TXNDC5: variants seen among roughly 807,000 people sequenced by gnomAD.
TXNDC5 encodes the protein thioredoxin domain containing 5, also known as thioredoxin domain-containing protein 5.
In TXNDC5, 44 loss-of-function variants were observed where a neutral mutation model predicts 52.6. The ratio of observed to expected loss-of-function variants is 0.84; its 90% CI spans 0.66 to 1.08. TXNDC5 has a LOEUF of 1.08. TXNDC5 is among the 50% of genes least tolerant of loss of function. TXNDC5 has a pLI of 0.00. For synonymous variants in TXNDC5, 241 were observed against 234.4 expected, an observed-to-expected ratio of 1.03 and a Z score of -0.26; for missense variants, 600 against 565.5, an observed-to-expected ratio of 1.06 and a Z score of -0.62.
intron 8 of TXNDC5, among the ~76,000 whole-genome samples, chr6:7,884,775 CT>C (rs1759902106): frequency 6.6e-6 from 1 of 152,222 alleles, no homozygotes; most frequent in African/African-American, 2.4e-5. Context: ...CCATGGTGAA[CT>C]GTGCTAACTG....
intron 1 of TXNDC5, among the ~76,000 whole-genome samples, chr6:7,907,153 CT>C (rs1330695503): frequency 5.9e-4 from 86 of 145,248 alleles, no homozygotes; most frequent in Middle Eastern, 3.5e-3. Context: ...TTTGCTACTG[CT>C]TTTTTTTTCC....
Position 7,910,539 on chromosome 6 carries a change from G to T in TXNDC5, c.238C>A (p.His80Asn). ...CAGGGCGCGAAGAACATGACGAAGT[G>T]CGCGGCGCTCTGGATCCCGTGCGTG... ...MFTHGIQSAA[H>N]FVMFFAPWCG... Residue 80 changes from histidine to asparagine, a missense_variant, in exon 1 of 10, where the codon CAC becomes AAC. By Grantham distance (68) the His-to-Asn change is moderately conservative (BLOSUM62 1). Transcript: ENST00000379757. 1 of 1,458,518 alleles carries T rather than the reference G, an allele frequency of 6.9e-7. No homozygotes were observed. Among genetic ancestry groups the T allele is most frequent in the Non-Finnish European group, 9.1e-7 (1 of 1,095,820 alleles). 90.3% of individuals were successfully genotyped at this position (1,458,518 alleles called of 1,614,324 possible). A position where few individuals can be genotyped will look rare whatever the true frequency, so the allele number is the denominator to read the frequency against.
chr6:7,883,015 G>A lies in TXNDC5; in HGVS notation c.*129C>T. 1 of 1,248,706 alleles carries A rather than the reference G, an allele frequency of 8.0e-7. No homozygotes were observed. Among genetic ancestry groups the A allele is most frequent in the Non-Finnish European group, 1.1e-6 (1 of 897,352 alleles). The allele number at this position is 1,248,706 out of a possible 1,614,324, so 77.4% of individuals were successfully genotyped here. On this transcript the variant is annotated 3_prime_UTR_variant, in exon 10 of 10. Coordinates refer to ENST00000379757, the MANE Select transcript of TXNDC5 (RefSeq NM_030810.5). ...GCTTGGAAAACACACACACAAAGAAGATACCTCACGCTTAGTATGTTCTGC... is the reference window on the plus strand; with the variant it reads ...GCTTGGAAAACACACACACAAAGAAAATACCTCACGCTTAGTATGTTCTGC...
chr6:7,902,025 A>G (rs1005055370), intron 2 of TXNDC5, among the ~76,000 whole-genome samples: 8 of 152,178 alleles, frequency 5.3e-5, no homozygotes, highest in African/African-American at 1.9e-4. Flanking sequence ...TTGGACACAG[A>G]GAGACACACA....
rs1581312042 is a variant in TXNDC5 at position 7,889,364 on chromosome 6, T to C, written c.819+131A>G. On this transcript the variant is annotated intron_variant, in intron 6 of 9. Coordinates refer to ENST00000379757, the MANE Select transcript of TXNDC5 (RefSeq NM_030810.5). ...TAAGAGAAAGACGTTTGTTTCATTA[T>C]ACACATTTCTCCAAACCAGTGCCCT... 4.2e-6 allele frequency: 3 copies of C among 713,160 alleles called. No homozygotes were observed. In the South Asian group the frequency reaches 6.5e-5, roughly 15 times the overall value. 44.2% of individuals were successfully genotyped at this position (713,160 alleles called of 1,614,324 possible). A position where few individuals can be genotyped will look rare whatever the true frequency, so the allele number is the denominator to read the frequency against.
In TXNDC5 at chr6:7,883,091, C is replaced by A. The variant is rs1759824893; in HGVS notation, c.*53G>T. 1.2e-6 allele frequency: 2 copies of A among 1,611,898 alleles called. No individual in the cohort carries two copies. Among genetic ancestry groups the A allele is most frequent in the East Asian group, 2.2e-5 (1 of 44,824 alleles). ...CCAGTGGCCTCTGTGGGACTGAACTCCTAAACGCAGGGTGCGGGAGCTGGG... is the reference window on the plus strand; with the variant it reads ...CCAGTGGCCTCTGTGGGACTGAACTACTAAACGCAGGGTGCGGGAGCTGGG... On this transcript the variant is annotated 3_prime_UTR_variant, in exon 10 of 10. Coordinates refer to ENST00000379757, the MANE Select transcript of TXNDC5 (RefSeq NM_030810.5).
intron 5 of TXNDC5, among the ~76,000 whole-genome samples, chr6:7,889,833 G>A (rs918157999): frequency 3.3e-5 from 5 of 152,168 alleles, no homozygotes; most frequent in Non-Finnish European, 5.9e-5. Context: ...TAAACATGCC[G>A]GTTTTTAGGA....
chr6:7,888,189 G>C (rs1274276577), intron 7 of TXNDC5, among the ~76,000 whole-genome samples: 3 of 152,210 alleles, frequency 2.0e-5, no homozygotes, highest in African/African-American at 7.2e-5. Flanking sequence ...GTGAAGGAAG[G>C]AAGCCCCTCA....
In TXNDC5 at chr6:7,898,717, C is replaced by T. The variant is rs187314117; in HGVS notation, c.519+859G>A. 1.6e-4 allele frequency among the ~76,000 whole-genome samples: 24 copies of T among 152,156 alleles called. No homozygotes were observed. The Middle Eastern group carries it at 0.01, about 65-fold the overall frequency. On this transcript the variant is annotated intron_variant, in intron 3 of 9. Transcript: ENST00000379757. ...CCCGGCATCCAGGGACCTGAGCACT[C>T]GGCATTAATCAGAAGGCACCACCCA...
rs537382019 is a variant in TXNDC5, at chr6:7,896,330, A to G, written c.520-1128T>C. Among the ~76,000 whole-genome samples, 111 of 152,364 alleles carry G rather than the reference A, an allele frequency of 7.3e-4. 2 individuals are homozygous for G. The South Asian group carries it at 0.022, about 30-fold the overall frequency. ...GACCCAAGCAGACAGCAATGTGTGC[A>G]GCTGTCTAGTCACAATCCTACATTT... On this transcript the variant is annotated intron_variant, in intron 3 of 9. Transcript: ENST00000379757.
chr6:7,889,015 AT>A, intron 6 of TXNDC5, 167 bp from the exon 7 acceptor site: 1 of 850,528 alleles, frequency 1.2e-6, no homozygotes, highest in Non-Finnish European at 1.7e-6. Flanking sequence ...GGATAACTGA[AT>A]GCCTCGGCTT....
chr6:7,887,036 CATACA>C (rs1455487614), intron 7 of TXNDC5, among the ~76,000 whole-genome samples: 6 of 152,214 alleles, frequency 3.9e-5, no homozygotes, highest in Non-Finnish European at 8.8e-5. Context: ...CACCATGACA[CATACA>C]CTCCTCTAAC....
At chr6:7,888,184 G>C (rs184269484) in intron 7 of TXNDC5, among the ~76,000 whole-genome samples, 2 of 152,266 alleles carry the variant, frequency 1.3e-5, no homozygotes, top group Admixed American at 1.3e-4. Context: ...CCTGAGTGAA[G>C]GAAGGAAGCC....
At chr6:7,898,483 T>C (rs1760450202) in intron 3 of TXNDC5, among the ~76,000 whole-genome samples, 1 of 152,184 alleles carries the variant, frequency 6.6e-6, no homozygotes, top group African/African-American at 2.4e-5. Flanking sequence ...CTGGCAACAG[T>C]AAGCGGCAAA....
chr6:7,885,635 G>A (rs1369943116), intron 8 of TXNDC5, among the ~76,000 whole-genome samples: 1 of 152,240 alleles, frequency 6.6e-6, no homozygotes, highest in East Asian at 1.9e-4. Context: ...GAAAAGTGCA[G>A]ATACCACAAA....
rs1581336416 is a variant in TXNDC5, at chr6:7,910,725, G to C, written c.52C>G (p.Leu18Val). Residue 18 changes from leucine to valine, a missense_variant, in exon 1 of 10, where the codon CTG (leucine) becomes GTG (valine). Physicochemically the swap from Leu to Val is conservative, Grantham distance 32. Transcript: ENST00000379757. ...AGCAGCAGCAGCAGCAGCGCAGTCAGGGCCGCCGGCCGGGCCAGCAGCGGG... is the reference window on the plus strand; with the variant it reads ...AGCAGCAGCAGCAGCAGCGCAGTCACGGCCGCCGGCCGGGCCAGCAGCGGG... ...LLPLLARPAA[L>V]TALLLLLLGH... 2 of 1,038,754 alleles carry C rather than the reference G, an allele frequency of 1.9e-6. No homozygotes were observed. The highest frequency in any genetic ancestry group is 2.3e-6 in the Non-Finnish European group (2 of 868,318). The allele number at this position is 1,038,754 out of a possible 1,614,324, so 64.3% of individuals were successfully genotyped here. A position where few individuals can be genotyped will look rare whatever the true frequency, so the allele number is the denominator to read the frequency against.
At chr6:7,901,525 G>C (rs753604270) in intron 2 of TXNDC5, among the ~76,000 whole-genome samples, 1 of 152,140 alleles carries the variant, frequency 6.6e-6, no homozygotes, top group African/African-American at 2.4e-5. Context: ...ACTGATAATC[G>C]TTCTAACCTG....
chr6:7,888,674 T>C, intron 7 of TXNDC5, 31 bp downstream of exon 7: 1 of 1,591,976 alleles, frequency 6.3e-7, no homozygotes, highest in Non-Finnish European at 8.5e-7. Context: ...ACGGGCCACT[T>C]ATGGGGATCC....
At chr6:7,909,043 G>A (rs1760823187) in intron 1 of TXNDC5, among the ~76,000 whole-genome samples, 1 of 152,222 alleles carries the variant, frequency 6.6e-6, no homozygotes, top group East Asian at 1.9e-4. Flanking sequence ...CGAGTCAGTT[G>A]GTTCTTAGGA....
Sources: allele counts gnomAD v4.1 joint callset (sites outside exome capture counted in the v4.1 genomes callset), GRCh38; gene constraint gnomAD v4.1.1; transcripts MANE v1.5; gene names NCBI Gene and HGNC (gene_info 2026-07-23, HGNC 2026-07-21).